Variants in CCDC178 observed in about 807,000 individuals in gnomAD.
CCDC178 encodes coiled-coil domain containing 178.
CCDC178 carries 126 observed loss-of-function variants against 117.4 expected under a neutral mutation model. That is an observed-to-expected ratio of 1.07 (90% CI 0.93 to 1.24). The LOEUF (loss-of-function observed/expected upper bound fraction) is 1.24. Ranked by LOEUF, CCDC178 falls within the 50% of genes most tolerant of loss-of-function variation. The pLI is 0.00. For synonymous variants in CCDC178, 283 were observed against 313.4 expected, an observed-to-expected ratio of 0.90 and a Z score of 1.02; for missense variants, 1,030 against 986.9, an observed-to-expected ratio of 1.04 and a Z score of -0.59.
At chr18:33,277,018 A>C (rs746400519) in intron 12 of CCDC178, among the ~76,000 whole-genome samples, 26 of 152,122 alleles carry the variant, frequency 1.7e-4, no homozygotes, top group Non-Finnish European at 3.5e-4. Context: ...GGGAATAAAA[A>C]AACTAGTAGC....
intron 17 of CCDC178, among the ~76,000 whole-genome samples, chr18:33,224,275 G>A (rs527890884): frequency 1.3e-5 from 2 of 152,058 alleles, no homozygotes; most frequent in Non-Finnish European, 2.9e-5. Context: ...CATGTTTTTC[G>A]ACTAAATTTT....
chr18:33,430,992 G>A (rs1044525977), intron 2 of CCDC178, among the ~76,000 whole-genome samples: 1 of 150,902 alleles, frequency 6.6e-6, no homozygotes, highest in African/African-American at 2.4e-5. Context: ...GGAGAATGGC[G>A]TGAACCCAGG....
At chr18:33,399,311 T>C (rs1599271779) in intron 3 of CCDC178, among the ~76,000 whole-genome samples, 1 of 152,192 alleles carries the variant, frequency 6.6e-6, no homozygotes, top group Non-Finnish European at 1.5e-5. Context: ...AAGGTGGTGG[T>C]TGCTGAAGGT....
chr18:32,955,578 C>A (rs1360682789), intron 22 of CCDC178, among the ~76,000 whole-genome samples: 1 of 152,094 alleles, frequency 6.6e-6, no homozygotes, highest in Non-Finnish European at 1.5e-5. Context: ...AATGCCTACA[C>A]AGATATTTGA....
chr18:33,383,644 C>T (rs1352661208), intron 5 of CCDC178, among the ~76,000 whole-genome samples: 1 of 152,018 alleles, frequency 6.6e-6, no homozygotes, highest in Non-Finnish European at 1.5e-5. Flanking sequence ...AGATGAAAAA[C>T]AACAAACAAA....
At chr18:33,199,117 T>A (rs1165261393) in intron 20 of CCDC178, among the ~76,000 whole-genome samples, 3 of 152,098 alleles carry the variant, frequency 2.0e-5, no homozygotes, top group African/African-American at 4.8e-5. Context: ...GAATACTAGA[T>A]ACAACTGTTT....
intron 20 of CCDC178, among the ~76,000 whole-genome samples, chr18:33,209,783 T>C (rs1344597427): frequency 2.0e-5 from 3 of 152,060 alleles, no homozygotes; most frequent in African/African-American, 7.2e-5. Flanking sequence ...AAGAGACAAC[T>C]TCATATAAAT....
chr18:33,142,419 A>G (rs1242469154), intron 20 of CCDC178, among the ~76,000 whole-genome samples: 1 of 152,236 alleles, frequency 6.6e-6, no homozygotes, highest in Non-Finnish European at 1.5e-5. Flanking sequence ...ACAATACAGT[A>G]TCATGATAGA....
intron 22 of CCDC178, among the ~76,000 whole-genome samples, chr18:32,942,948 T>G (rs930583361): frequency 2.0e-5 from 3 of 152,168 alleles, no homozygotes; most frequent in Non-Finnish European, 4.4e-5. Context: ...GGGGAAGCAT[T>G]CATAAGAAAC....
intron 12 of CCDC178, among the ~76,000 whole-genome samples, chr18:33,287,599 C>T (rs906953364): frequency 2.0e-5 from 3 of 151,720 alleles, no homozygotes; most frequent in Admixed American, 6.6e-5. Context: ...GCCAACAGGG[C>T]GAAACCCCAT....
chr18:33,035,025 G>C (rs1467660251), intron 21 of CCDC178, among the ~76,000 whole-genome samples: 2 of 151,934 alleles, frequency 1.3e-5, no homozygotes, highest in Admixed American at 1.3e-4. Flanking sequence ...TGTGGAACAT[G>C]AGACATGTTT....
At chr18:33,220,634 G>A (rs2059221117) in intron 18 of CCDC178, among the ~76,000 whole-genome samples, 1 of 152,032 alleles carries the variant, frequency 6.6e-6, no homozygotes, top group Non-Finnish European at 1.5e-5. Context: ...ACTTCACAGG[G>A]TTGCTGTGAG....
rs2064184633 is a variant in CCDC178, at chr18:33,429,942, T to C, written c.-23+10020A>G. On this transcript the variant is annotated intron_variant, in intron 2 of 22. Coordinates refer to ENST00000383096, the MANE Select transcript of CCDC178 (RefSeq NM_001105528.4). Reference sequence around the variant, plus strand: ...ATAAATCCTTTCGTGTGTAAAATTATAGTCTCTTCCACCTAAAATGTAAAC... The same window carrying C: ...ATAAATCCTTTCGTGTGTAAAATTACAGTCTCTTCCACCTAAAATGTAAAC... Among the ~76,000 whole-genome samples the C allele has an allele frequency of 2.0e-5, 3 of 152,212 alleles. No homozygotes were observed. In the South Asian group the frequency reaches 6.2e-4, roughly 32 times the overall value.
intron 20 of CCDC178, among the ~76,000 whole-genome samples, chr18:33,204,370 C>T (rs1199667750): frequency 6.6e-6 from 1 of 152,020 alleles, no homozygotes; most frequent in Non-Finnish European, 1.5e-5. Context: ...CAGGGTTTCT[C>T]TCAACCAAAC....
At chr18:33,363,833 T>G (rs2063162117) in intron 6 of CCDC178, among the ~76,000 whole-genome samples, 1 of 152,072 alleles carries the variant, frequency 6.6e-6, no homozygotes. Context: ...TCATTGTAGT[T>G]TGCATTTGGG....
intron 3 of CCDC178, among the ~76,000 whole-genome samples, chr18:33,409,798 T>C (rs183651628): frequency 7.2e-5 from 11 of 152,316 alleles, no homozygotes; most frequent in African/African-American, 2.6e-4. Context: ...TTTTAACTGA[T>C]AATCCCCATT....
intron 21 of CCDC178, among the ~76,000 whole-genome samples, chr18:33,059,364 C>T (rs187204141): frequency 1.8e-4 from 27 of 152,236 alleles, no homozygotes; most frequent in African/African-American, 6.0e-4. Flanking sequence ...TACTCTGCAT[C>T]GTCACTTCCT....
intron 20 of CCDC178, among the ~76,000 whole-genome samples, chr18:33,118,646 C>T (rs1225831428): frequency 6.6e-6 from 1 of 152,050 alleles, no homozygotes; most frequent in Non-Finnish European, 1.5e-5. Flanking sequence ...CAATGCCATC[C>T]CCATCAAGCT....
chr18:33,132,641 A>G (rs1424306043), intron 20 of CCDC178, among the ~76,000 whole-genome samples: 1 of 151,716 alleles, frequency 6.6e-6, no homozygotes, highest in African/African-American at 2.4e-5. Context: ...TTCATTTGAA[A>G]TGGTACTTTT....
Sources: gnomAD v4.1 joint callset for allele counts (sites outside exome capture counted in the v4.1 genomes callset) on GRCh38, gnomAD v4.1.1 for gene constraint, MANE v1.5 for transcripts, NCBI Gene and HGNC (gene_info 2026-07-23, HGNC 2026-07-21) for gene names.